The following ZHX2 variants were observed in gnomAD, a reference collection of about 807,000 sequenced individuals.
The protein encoded by ZHX2 is zinc fingers and homeoboxes 2, also known as zinc fingers and homeoboxes protein 2.
ZHX2 carries 6 observed loss-of-function variants against 21.9 expected under a neutral mutation model. That is an observed-to-expected ratio of 0.27 (90% CI 0.15 to 0.54). The LOEUF is 0.54. Ranked by LOEUF, ZHX2 falls within the 20% of genes least tolerant of loss-of-function variation. The pLI, the probability that ZHX2 is intolerant of heterozygous loss-of-function variation, is 0.95. For missense variants in ZHX2, 908 were observed against 1,090.7 expected, an observed-to-expected ratio of 0.83 and a Z score of 2.36; for synonymous variants, 434 against 437.1, an observed-to-expected ratio of 0.99 and a Z score of 0.09.
chr8:122,784,830 C>G (rs1817361219), intron 1 of ZHX2, among the ~76,000 whole-genome samples: 1 of 152,184 alleles, frequency 6.6e-6, no homozygotes. Flanking sequence ...TTGCCCAAGT[C>G]CAAACAGCTA....
intron 1 of ZHX2, among the ~76,000 whole-genome samples, chr8:122,858,082 G>A (rs955477752): frequency 3.9e-5 from 6 of 152,318 alleles, no homozygotes; most frequent in South Asian, 2.1e-4. Context: ...AGTGAGGGCC[G>A]AGCTCGGGCC....
At chr8:122,873,438 A>G (rs368996084) in intron 2 of ZHX2, among the ~76,000 whole-genome samples, 1 of 152,100 alleles carries the variant, frequency 6.6e-6, no homozygotes, top group South Asian at 2.1e-4. Context: ...ACTCCCCTGC[A>G]GCCCCTGAGC....
At chr8:122,893,112 G>C (rs532790590) in intron 2 of ZHX2, among the ~76,000 whole-genome samples, 2 of 152,166 alleles carry the variant, frequency 1.3e-5, no homozygotes, top group African/African-American at 4.8e-5. Flanking sequence ...TGAGTAGTTG[G>C]TTTTTGTTTT....
intron 2 of ZHX2, among the ~76,000 whole-genome samples, chr8:122,938,296 C>G (rs954282212): frequency 3.3e-5 from 5 of 152,096 alleles, no homozygotes; most frequent in African/African-American, 1.2e-4. Context: ...AGTGGCCACT[C>G]CAGCCTTTGT....
At chr8:122,823,233 T>C (rs184621142) in intron 1 of ZHX2, among the ~76,000 whole-genome samples, 1 of 152,340 alleles carries the variant, frequency 6.6e-6, no homozygotes, top group African/African-American at 2.4e-5. Context: ...TGGCCACACT[T>C]TAAAATGAAT....
At position 122,957,570 on chromosome 8, in the gene ZHX2, C is replaced by T. The variant is rs189541395; in HGVS notation, c.*4+3542C>T. ...CCAACCTCCGCCTCCCAGGTTCAAG[C>T]GATTCTCCTGCCTCAGCCTTCCAAG... On this transcript the variant is annotated intron_variant, in intron 3 of 3. Transcript: ENST00000314393. 2.9e-3 allele frequency among the ~76,000 whole-genome samples: 439 copies of T among 152,276 alleles called. 1 individual carries two copies. The highest frequency in any genetic ancestry group is 9.0e-3 in the African/African-American group (375 of 41,560).
chr8:122,798,085 G>A (rs551196224), intron 1 of ZHX2, among the ~76,000 whole-genome samples: 6 of 152,320 alleles, frequency 3.9e-5, no homozygotes, highest in Non-Finnish European at 5.9e-5. Flanking sequence ...AGCGAGGAAG[G>A]GGCAGAGCCA....
intron 1 of ZHX2, among the ~76,000 whole-genome samples, chr8:122,857,596 T>C (rs1819057544): frequency 6.6e-6 from 1 of 152,198 alleles, no homozygotes; most frequent in Admixed American, 6.5e-5. Flanking sequence ...GGAATCTCAG[T>C]TGAAGTTAGG....
chr8:122,848,084 T>A (rs1169905497), intron 1 of ZHX2, among the ~76,000 whole-genome samples: 13 of 152,160 alleles, frequency 8.5e-5, no homozygotes, highest in Non-Finnish European at 1.2e-4. Context: ...TCGGCTCAGT[T>A]GAGTGAGCAT....
At chr8:122,951,037 C>T (rs987062462) in intron 2 of ZHX2, among the ~76,000 whole-genome samples, 3 of 152,054 alleles carry the variant, frequency 2.0e-5, no homozygotes, top group African/African-American at 7.3e-5. Context: ...TCCTGTATTC[C>T]TTTGTCTCCA....
At position 122,951,633 on chromosome 8, in the gene ZHX2, C is replaced by T. The variant is rs140432187; in HGVS notation, c.123C>T (p.Asp41=). 9.2e-5 allele frequency: 148 copies of T among 1,613,952 alleles called. No homozygotes were observed. In the African/African-American group the frequency reaches 1.7e-3, roughly 18 times the overall value. ...KEKGIGTPQP[D]VAKDSWAAEL... is the part of the protein sequence containing the mutation. ...AAGGAATCGGCACACCACAGCCTGACGTGGCCAAGGACAGTTGGGCAGCAG... is the reference window on the plus strand; with the variant it reads ...AAGGAATCGGCACACCACAGCCTGATGTGGCCAAGGACAGTTGGGCAGCAG... Residue 41 remains aspartate (D), a synonymous_variant, in exon 3 of 4, where the codon GAC becomes GAT. Transcript: ENST00000314393.
At chr8:122,882,054 G>A (rs1330289594) in intron 2 of ZHX2, among the ~76,000 whole-genome samples, 4 of 151,866 alleles carry the variant, frequency 2.6e-5, no homozygotes, top group African/African-American at 7.3e-5. Context: ...CCCCCTCCTC[G>A]AAAAAGAGGG....
At chr8:122,957,547 A>T (rs1813338628) in intron 3 of ZHX2, among the ~76,000 whole-genome samples, 1 of 152,012 alleles carries the variant, frequency 6.6e-6, no homozygotes, top group Non-Finnish European at 1.5e-5. Flanking sequence ...AACTCACCCC[A>T]ACCTCCGCCT....
chr8:122,822,587 C>T (rs753180942), intron 1 of ZHX2, among the ~76,000 whole-genome samples: 4 of 152,186 alleles, frequency 2.6e-5, no homozygotes, highest in Non-Finnish European at 2.9e-5. Context: ...AAGAAGGTGA[C>T]GAGAGCCTCC....
At chr8:122,892,383 G>T (rs946435599) in intron 2 of ZHX2, among the ~76,000 whole-genome samples, 4 of 152,134 alleles carry the variant, frequency 2.6e-5, no homozygotes, top group Non-Finnish European at 4.4e-5. Flanking sequence ...TTAAGCCAGT[G>T]TATTTTTTTA....
Position 122,951,793 on chromosome 8 carries a change from G to C in ZHX2, c.283G>C (p.Glu95Gln), listed in dbSNP as rs1156845423. Residue 95 changes from glutamate to glutamine, a missense_variant, in exon 3 of 4, where the codon GAG (glutamate) becomes CAG (glutamine). This residue lies in a region of ZHX2 where 220 missense variants were observed against 251.4 expected (regional missense o/e 0.88). Coordinates refer to ENST00000314393, the MANE Select transcript of ZHX2 (RefSeq NM_014943.5). ...CACGCAAAACCTGAACGAGTTCACG[G>C]AGCATGTCGACATGCAGCATCCCAA... Reference protein sequence around the residue: ...YSTQNLNEFTEHVDMQHPNVI... With the variant: ...YSTQNLNEFTQHVDMQHPNVI... 1 of 1,613,954 alleles carries C rather than the reference G, an allele frequency of 6.2e-7. No individual in the cohort carries two copies. Among genetic ancestry groups the C allele is most frequent in the South Asian group, 1.1e-5 (1 of 91,064 alleles).
intron 2 of ZHX2, among the ~76,000 whole-genome samples, chr8:122,907,255 T>G (rs1345197125): frequency 6.6e-6 from 1 of 152,140 alleles, no homozygotes; most frequent in Non-Finnish European, 1.5e-5. Context: ...CAGCTTGATT[T>G]TATACATTTT....
Position 122,909,224 on chromosome 8 carries a change from A to G in ZHX2, c.-219-42068A>G, listed in dbSNP as rs946507656. The stretch of plus-strand genomic sequence containing the variant: ...GGTGGGTGGATCACTTGAGGTCAGG[A>G]GTTCAAGACCAGCTTGGCCCACAGG... On this transcript the variant is annotated intron_variant, in intron 2 of 3. Transcript: ENST00000314393. Among the ~76,000 whole-genome samples the G allele has an allele frequency of 2.0e-5, 3 of 152,106 alleles. 1 individual carries two copies. Among genetic ancestry groups the G allele is most frequent in the Non-Finnish European group, 4.4e-5 (3 of 68,006 alleles).
At chr8:122,916,592 A>G (rs1820609227) in intron 2 of ZHX2, among the ~76,000 whole-genome samples, 2 of 151,940 alleles carry the variant, frequency 1.3e-5, no homozygotes, top group African/African-American at 4.8e-5. Flanking sequence ...GTACACACAC[A>G]CCCTCAGTTC....
Sources: allele counts gnomAD v4.1 joint callset (sites outside exome capture counted in the v4.1 genomes callset), GRCh38; gene constraint gnomAD v4.1.1; regional missense constraint gnomAD v4.1.1; transcripts MANE v1.5; gene names NCBI Gene and HGNC (gene_info 2026-07-23, HGNC 2026-07-21).